LITAF: variants seen among roughly 807,000 people sequenced by gnomAD.
LITAF encodes the protein lipopolysaccharide-induced tumor necrosis factor-alpha factor.
Under a neutral mutation model 14.5 loss-of-function variants are expected in LITAF, and 9 were observed. The observed-to-expected ratio is 0.62, with a 90% confidence interval of 0.37 to 1.08. The LOEUF is 1.08. LITAF is among the 50% of genes least tolerant of loss of function. The pLI is 0.01. For missense variants in LITAF, 206 were observed against 213.4 expected (o/e 0.97, Z 0.22); for synonymous variants, 98 against 88.2 (o/e 1.11, Z -0.62).
chr16:11,576,762 T>C (rs2064643566), intron 1 of LITAF, among the ~76,000 whole-genome samples: 1 of 152,156 alleles, frequency 6.6e-6, no homozygotes, highest in Non-Finnish European at 1.5e-5. Flanking sequence ...TAAGAGTTCA[T>C]AGTTGCCGTG....
At position 11,548,883 on chromosome 16, in the gene LITAF, ATAAT is replaced by A. The variant is rs1567232546; in HGVS notation, c.*750_*753del. 6.6e-6 allele frequency: 3 copies of A among 454,002 alleles called. No homozygotes were observed. Among genetic ancestry groups the A allele is most frequent in the Non-Finnish European group, 8.8e-6 (2 of 226,776 alleles). The allele number at this position is 454,002 out of a possible 1,614,324, so 28.1% of individuals were successfully genotyped here. A position where few individuals can be genotyped will look rare whatever the true frequency, so the allele number is the denominator to read the frequency against. On this transcript the variant is annotated 3_prime_UTR_variant, in exon 4 of 4. Coordinates refer to ENST00000622633, the MANE Select transcript of LITAF (RefSeq NM_001136472.2). ...AAAGGAGGTCATAAAAACTGTTCATATAATTACTCTATGAGAAAAAAATCCCTGT... is the reference window on the plus strand; with the variant it reads ...AAAGGAGGTCATAAAAACTGTTCATATACTCTATGAGAAAAAAATCCCTGT...
chr16:11,567,078 A>C (rs2064461994), intron 1 of LITAF, among the ~76,000 whole-genome samples: 1 of 152,050 alleles, frequency 6.6e-6, no homozygotes, highest in Non-Finnish European at 1.5e-5. Context: ...GTTTCTCAAC[A>C]GGGCACCCTA....
At chr16:11,604,255 T>A (rs933418795) in intron 3 of LITAF, among the ~76,000 whole-genome samples, 1 of 152,194 alleles carries the variant, frequency 6.6e-6, no homozygotes, top group African/African-American at 2.4e-5. Flanking sequence ...TGGAATATGC[T>A]TGGTGGATTT....
chr16:11,610,709 A>T (rs2064977834), intron 3 of LITAF, among the ~76,000 whole-genome samples: 1 of 152,194 alleles, frequency 6.6e-6, no homozygotes, highest in African/African-American at 2.4e-5. Context: ...TGGGTTGTGC[A>T]GGTTGCGCAC....
chr16:11,582,749 G>A (rs1384128482), intron 1 of LITAF, among the ~76,000 whole-genome samples: 5 of 152,154 alleles, frequency 3.3e-5, no homozygotes, highest in African/African-American at 1.2e-4. Context: ...GGGTCAAAAA[G>A]GTCTGGTCTT....
intron 3 of LITAF, among the ~76,000 whole-genome samples, chr16:11,611,373 C>G (rs949045394): frequency 6.6e-5 from 10 of 152,120 alleles, no homozygotes; most frequent in Non-Finnish European, 1.3e-4. Flanking sequence ...CCCAGTTAAA[C>G]TCAAATGTCA....
In LITAF at chr16:11,549,761, GAC is replaced by G; in HGVS notation, c.378-18_378-17del. 6.3e-7 allele frequency: 1 copy of G among 1,598,410 alleles called. No individual in the cohort carries two copies. The highest frequency in any genetic ancestry group is 8.6e-7 in the Non-Finnish European group (1 of 1,168,196). ...CGCTATGCACCTGGGAGGAGAGAGA[GAC>G]ACACGGAGCGCGTTACTGATCACAA... On this transcript the variant is annotated splice_polypyrimidine_tract_variant and intron_variant, in intron 3 of 3. Transcript: ENST00000622633. The surrounding 1 kb of genome is among the most constrained non-coding windows in gnomAD (Gnocchi z 4.6).
chr16:11,611,366 A>G (rs1160169527), intron 3 of LITAF, among the ~76,000 whole-genome samples: 1 of 152,148 alleles, frequency 6.6e-6, no homozygotes, highest in Non-Finnish European at 1.5e-5. Flanking sequence ...TAGGATGCCC[A>G]GTTAAACTCA....
upstream of LITAF, among the ~76,000 whole-genome samples, chr16:11,589,882 C>T (rs1192209106): frequency 6.6e-6 from 1 of 151,488 alleles, no homozygotes. Context: ...CCTGGGCCTC[C>T]CAAAGTGCTG....
In LITAF at chr16:11,634,807, G is replaced by A. The variant is rs915378388; in HGVS notation, c.-21+1018C>T. On this transcript the variant is annotated intron_variant, in intron 2 of 3. Transcript: ENST00000574848. The surrounding 1 kb of genome is among the most constrained non-coding windows in gnomAD (Gnocchi z 4.1). ...CCCAGCACTTTGGGAGGCCAAGGCG[G>A]TAGATCACTTGAGGTGAGGAGTTCA... 2.0e-5 allele frequency among the ~76,000 whole-genome samples: 3 copies of A among 152,154 alleles called. No homozygotes were observed. The highest frequency in any genetic ancestry group is 4.4e-5 in the Non-Finnish European group (3 of 68,044).
Position 11,547,866 on chromosome 16 carries a change from A to C in LITAF, c.*1771T>G. The C allele has an allele frequency of 2.2e-6, 1 of 454,138 alleles. No individual in the cohort carries two copies. Among genetic ancestry groups the C allele is most frequent in the Non-Finnish European group, 4.4e-6 (1 of 226,798 alleles). The allele number at this position is 454,138 out of a possible 1,614,324, so 28.1% of individuals were successfully genotyped here. ...ACATCGGTCATCTTGACATTGCAGG[A>C]TATTCAGCAAGTCTGAAGTTTTTAA... On this transcript the variant is annotated 3_prime_UTR_variant, in exon 4 of 4. Coordinates refer to ENST00000622633, the MANE Select transcript of LITAF (RefSeq NM_001136472.2).
intron 1 of LITAF, among the ~76,000 whole-genome samples, chr16:11,567,280 C>T (rs1379606016): frequency 1.3e-5 from 2 of 152,050 alleles, no homozygotes; most frequent in African/African-American, 4.8e-5. Context: ...ATTAGCCAGG[C>T]GTGGTGGCAC....
chr16:11,578,560 C>T lies in LITAF; in HGVS notation c.-6+8326G>A, dbSNP rs531324455. Reference sequence around the variant, plus strand: ...AAAGGGAAAGACAGTAAACTACAAGCGAGAAAATCTGGCAAATACCTCCTT... The same window carrying T: ...AAAGGGAAAGACAGTAAACTACAAGTGAGAAAATCTGGCAAATACCTCCTT... On this transcript the variant is annotated intron_variant, in intron 1 of 3. Coordinates refer to ENST00000622633, the MANE Select transcript of LITAF (RefSeq NM_001136472.2). 3.9e-5 allele frequency among the ~76,000 whole-genome samples: 6 copies of T among 152,188 alleles called. No individual in the cohort carries two copies. In the South Asian group the frequency reaches 1.0e-3, roughly 26 times the overall value.
Position 11,634,292 on chromosome 16 carries a change from C to T in LITAF, c.-20-655G>A, listed in dbSNP as rs2065129924. Among the ~76,000 whole-genome samples the T allele has an allele frequency of 6.6e-6, 1 of 152,170 alleles. No individual in the cohort carries two copies. Among genetic ancestry groups the T allele is most frequent in the Non-Finnish European group, 1.5e-5 (1 of 68,038 alleles). ...CTTGGGCCAAACTAACTCTGGGGAACATTTAGTTTACAGTTTAAGTGATAC... is the reference window on the plus strand; with the variant it reads ...CTTGGGCCAAACTAACTCTGGGGAATATTTAGTTTACAGTTTAAGTGATAC... On this transcript the variant is annotated intron_variant, in intron 2 of 3. Coordinates refer to the LITAF transcript ENST00000574848. The surrounding 1 kb of genome is among the most constrained non-coding windows in gnomAD (Gnocchi z 4.1).
intron 1 of LITAF, among the ~76,000 whole-genome samples, chr16:11,563,398 C>T (rs1406063485): frequency 6.6e-6 from 1 of 152,138 alleles, no homozygotes; most frequent in Non-Finnish European, 1.5e-5. Flanking sequence ...GATCAGCCCG[C>T]CTTGGCCTCC....
chr16:11,597,364 A>G (rs1464108526), intron 1 of LITAF, among the ~76,000 whole-genome samples: 1 of 152,154 alleles, frequency 6.6e-6, no homozygotes, highest in East Asian at 1.9e-4. Context: ...GAGGCTGGGC[A>G]GTGGAGTGCG....
intron 3 of LITAF, among the ~76,000 whole-genome samples, chr16:11,619,136 C>A (rs761794709): frequency 3.3e-5 from 5 of 151,844 alleles, no homozygotes; most frequent in Non-Finnish European, 5.9e-5. Flanking sequence ...CATGGCAAAA[C>A]CCCTTCTCTA....
In LITAF at chr16:11,549,852, G is replaced by T; in HGVS notation, c.378-107C>A. The T allele has an allele frequency of 1.1e-6, 1 of 877,922 alleles. No homozygotes were observed. The highest frequency in any genetic ancestry group is 1.9e-6 in the Non-Finnish European group (1 of 539,822). 54.4% of individuals were successfully genotyped at this position (877,922 alleles called of 1,614,324 possible). A position where few individuals can be genotyped will look rare whatever the true frequency, so the allele number is the denominator to read the frequency against. On this transcript the variant is annotated intron_variant, in intron 3 of 3. Coordinates refer to ENST00000622633, the MANE Select transcript of LITAF (RefSeq NM_001136472.2). The surrounding 1 kb of genome is among the most constrained non-coding windows in gnomAD (Gnocchi z 4.6). The stretch of plus-strand genomic sequence containing the variant: ...TTCTTTGTAAAAAGGGTCTTTGCCA[G>T]TATAATTAGGAATTTTGAGATGGGA...
Position 11,549,825 on chromosome 16 carries a change from CCTT to C in LITAF, c.378-83_378-81del. On this transcript the variant is annotated intron_variant, in intron 3 of 3. Coordinates refer to ENST00000622633, the MANE Select transcript of LITAF (RefSeq NM_001136472.2). This position sits in a 1 kb window ranked among gnomAD's most constrained non-coding sequence, Gnocchi z 4.6. ...CTGGCTGCCAAAACCATGTTCATGT[CCTT>C]CTTTGTAAAAAGGGTCTTTGCCAGT... 9.1e-7 allele frequency: 1 copy of C among 1,104,570 alleles called. No homozygotes were observed. Among genetic ancestry groups the C allele is most frequent in the Non-Finnish European group, 1.4e-6 (1 of 738,690 alleles). 68.4% of individuals were successfully genotyped at this position (1,104,570 alleles called of 1,614,324 possible).
Sources: allele counts gnomAD v4.1 joint callset (sites outside exome capture counted in the v4.1 genomes callset), GRCh38; gene constraint gnomAD v4.1.1; non-coding constraint Gnocchi (gnomAD v3.1); transcripts MANE v1.5; gene names NCBI Gene and HGNC (gene_info 2026-07-23, HGNC 2026-07-21).